Variants in HIVEP3 observed in about 807,000 individuals in gnomAD.
HIVEP3 encodes the protein HIVEP zinc finger 3.
A neutral mutation model predicts 152.8 loss-of-function variants in HIVEP3; 49 were observed. The observed-to-expected ratio is 0.32, with a 90% CI of 0.26 to 0.41. The LOEUF is 0.41. Ranked by LOEUF, HIVEP3 falls within the 10% of genes least tolerant of loss-of-function variation. The pLI is 1.00. For missense variants in HIVEP3, 2,790 were observed against 3,103.3 expected (o/e 0.90, Z 2.40); for synonymous variants, 1,269 against 1,289.0 (o/e 0.98, Z 0.33).
At chr1:41,572,282 G>A (rs1327626564) in intron 5 of HIVEP3, among the ~76,000 whole-genome samples, 2 of 152,204 alleles carry the variant, frequency 1.3e-5, no homozygotes, top group South Asian at 4.1e-4. Context: ...TGGGGCTAAG[G>A]AGATGGGTGA....
intron 1 of HIVEP3, among the ~76,000 whole-genome samples, chr1:41,817,182 C>T (rs1454688286): frequency 6.6e-6 from 1 of 152,198 alleles, no homozygotes; most frequent in Non-Finnish European, 1.5e-5. Context: ...TTTCTTGCTA[C>T]TGCTGATAAA....
At chr1:41,674,231 G>C (rs979857229) in intron 2 of HIVEP3, among the ~76,000 whole-genome samples, 5 of 152,250 alleles carry the variant, frequency 3.3e-5, no homozygotes, top group African/African-American at 1.2e-4. Flanking sequence ...TTTGTTAAAT[G>C]ATCATTAAAC....
At chr1:41,575,742 G>C in intron 4 of HIVEP3, 53 bp from the exon 5 acceptor site, 2 of 1,585,798 alleles carry the variant, frequency 1.3e-6, no homozygotes, top group Non-Finnish European at 1.7e-6. Context: ...TGCATCCTCA[G>C]TCACGAATGC....
intron 1 of HIVEP3, among the ~76,000 whole-genome samples, chr1:41,727,955 G>A (rs1298963795): frequency 6.6e-6 from 1 of 152,218 alleles, no homozygotes; most frequent in Non-Finnish European, 1.5e-5. Context: ...GCATGTTGGG[G>A]TAGGTGGGCT....
At chr1:41,957,185 A>C (rs997546137) in intron 1 of HIVEP3, among the ~76,000 whole-genome samples, 2 of 151,710 alleles carry the variant, frequency 1.3e-5, no homozygotes. Flanking sequence ...CTATAAACAA[A>C]AGTTAAAAGA....
intron 1 of HIVEP3, among the ~76,000 whole-genome samples, chr1:41,778,853 A>T (rs759986773): frequency 4.6e-5 from 7 of 152,194 alleles, no homozygotes; most frequent in Non-Finnish European, 1.0e-4. Flanking sequence ...ATCGGGTGGT[A>T]CGGAAGATCT....
chr1:41,823,627 GGCATAA>G (rs1642674224), intron 1 of HIVEP3, among the ~76,000 whole-genome samples: 1 of 152,238 alleles, frequency 6.6e-6, no homozygotes, highest in Non-Finnish European at 1.5e-5. Flanking sequence ...ACTCTCCACA[GGCATAA>G]GCGATCCCAG....
rs12075180 is a variant in HIVEP3, at chr1:41,510,054, T to C, written c.*397A>G. The C allele has an allele frequency of 0.032, 5,095 of 160,924 alleles. 288 individuals carry two copies. The highest frequency in any genetic ancestry group is 0.12 in the African/African-American group (4,826 of 41,808). The allele number at this position is 160,924 out of a possible 1,614,324, so 10.0% of individuals were successfully genotyped here. A position where few individuals can be genotyped will look rare whatever the true frequency, so the allele number is the denominator to read the frequency against. On this transcript the variant is annotated 3_prime_UTR_variant, in exon 9 of 9. Coordinates refer to ENST00000372583, the MANE Select transcript of HIVEP3 (RefSeq NM_024503.5). The stretch of plus-strand genomic sequence containing the variant: ...CTTCCTTTTACATTTAATTCTATAT[T>C]GTTTGAAGTTTCCTTTTCCTTTCTC...
At chr1:41,573,677 G>A (rs561840609) in intron 5 of HIVEP3, among the ~76,000 whole-genome samples, 1 of 152,246 alleles carries the variant, frequency 6.6e-6, no homozygotes, top group South Asian at 2.1e-4. Context: ...GGTCTCACAA[G>A]GTCCTCTGAA....
At position 41,580,964 on chromosome 1, in the gene HIVEP3, G is replaced by A. The variant is rs998908685; in HGVS notation, c.3834C>T (p.Ser1278=). 1.2e-6 allele frequency: 2 copies of A among 1,603,914 alleles called. No individual in the cohort carries two copies. Among genetic ancestry groups the A allele is most frequent in the Admixed American group, 1.7e-5 (1 of 58,994 alleles). ...LATGSAGLSP[S]TEYSSDIRLP... ...GCCGGATGTCACTGCTGTACTCTGT[G>A]CTGGGGGAGAGGCCAGCACTTCCTG... The change falls in exon 4 of 9, where the codon AGC becomes AGT. Residue 1278 remains serine (S), a synonymous_variant. Transcript: ENST00000372583.
At chr1:41,575,174 T>C (rs1174346691) in intron 5 of HIVEP3, among the ~76,000 whole-genome samples, 1 of 152,124 alleles carries the variant, frequency 6.6e-6, no homozygotes, top group Non-Finnish European at 1.5e-5. Flanking sequence ...GAGATGACTT[T>C]TGGAGAATAC....
At chr1:41,895,083 G>A (rs1298054761) in intron 1 of HIVEP3, among the ~76,000 whole-genome samples, 2 of 151,942 alleles carry the variant, frequency 1.3e-5, no homozygotes, top group East Asian at 3.9e-4. Context: ...TAAGCCCCAC[G>A]CTGGAAAACT....
chr1:41,855,203 T>C (rs1472932991), intron 1 of HIVEP3, among the ~76,000 whole-genome samples: 1 of 149,874 alleles, frequency 6.7e-6, no homozygotes, highest in Non-Finnish European at 1.5e-5. Flanking sequence ...CCTGACTTTT[T>C]AATGATTGCC....
At chr1:41,678,301 C>A (rs947829311) in intron 2 of HIVEP3, among the ~76,000 whole-genome samples, 1 of 152,186 alleles carries the variant, frequency 6.6e-6, no homozygotes, top group Non-Finnish European at 1.5e-5. Context: ...CTGATTGCGA[C>A]AATGCATTAG....
At position 41,581,181 on chromosome 1, in the gene HIVEP3, G is replaced by A; in HGVS notation, c.3617C>T (p.Pro1206Leu). The A allele has an allele frequency of 6.4e-7, 1 of 1,551,578 alleles. No homozygotes were observed. Among genetic ancestry groups the A allele is most frequent in the Non-Finnish European group, 8.7e-7 (1 of 1,149,044 alleles). Residue 1206 changes from proline (P) to leucine (L), a missense_variant, in exon 4 of 9, where the codon CCC (proline) becomes CTC (leucine). Pro to Leu is a moderately conservative substitution (Grantham distance 98). This residue lies in a region of HIVEP3 where 1,078 missense variants were observed against 1,165.3 expected (regional missense o/e 0.93). Transcript: ENST00000372583. The surrounding 1 kb of genome is among the most constrained non-coding windows in gnomAD (Gnocchi z 4.5). ...TVLHPGQLHLPQLMPHPANIP... is the reference protein window; with the variant it reads ...TVLHPGQLHLLQLMPHPANIP... ...GTTGGCTGGGTGAGGCATGAGCTGG[G>A]GGAGATGGAGTTGGCCTGGGTGCAG...
chr1:41,817,896 G>C (rs779220523), intron 1 of HIVEP3, among the ~76,000 whole-genome samples: 4 of 152,130 alleles, frequency 2.6e-5, no homozygotes, highest in Non-Finnish European at 4.4e-5. Flanking sequence ...CAGGTGGGGA[G>C]GGAGGAACAC....
rs922232342 is a variant in HIVEP3, at chr1:41,826,103, T to A, written c.-801+92310A>T. On this transcript the variant is annotated intron_variant, in intron 1 of 8. Transcript: ENST00000372583. ...TCACTGTTACTCCCTTGCTCTGACA[T>A]AGGACTATTTGCAGTCTCCTCTCTC... 5.3e-5 allele frequency among the ~76,000 whole-genome samples: 8 copies of A among 152,330 alleles called. No individual in the cohort carries two copies. The East Asian group carries it at 1.4e-3, about 26-fold the overall frequency.
At chr1:41,872,760 T>C (rs1300386506) in intron 1 of HIVEP3, among the ~76,000 whole-genome samples, 4 of 152,230 alleles carry the variant, frequency 2.6e-5, no homozygotes, top group African/African-American at 9.6e-5. Flanking sequence ...GAATAATATC[T>C]ATTTGGGTGG....
rs1293476166 is a variant in HIVEP3 at position 41,981,591 on chromosome 1, C to G, written n.119+54216G>C. Among the ~76,000 whole-genome samples the G allele has an allele frequency of 2.6e-5, 4 of 152,146 alleles. No homozygotes were observed. In the East Asian group the frequency reaches 7.7e-4, roughly 29 times the overall value. ...TAACCACACTGCCTCCCCACCCCAT[C>G]TCCTCCAAGGTAAAGTGGAGATTTT... On this transcript the variant is annotated intron_variant and non_coding_transcript_variant, in intron 1 of 3. Transcript: ENST00000489103.
Sources: gnomAD v4.1 joint callset for allele counts (sites outside exome capture counted in the v4.1 genomes callset) on GRCh38, gnomAD v4.1.1 for gene constraint, gnomAD v4.1.1 regional missense constraint, Gnocchi (gnomAD v3.1) non-coding constraint, MANE v1.5 for transcripts, NCBI Gene and HGNC (gene_info 2026-07-23, HGNC 2026-07-21) for gene names.